The following FAM90A1 variants were observed in gnomAD, a reference collection of about 807,000 sequenced individuals.
FAM90A1 encodes protein FAM90A1.
FAM90A1 carries 10 observed loss-of-function variants against 14.8 expected under a neutral mutation model. The ratio of observed to expected loss-of-function variants is 0.67; its 90% CI spans 0.42 to 1.14. FAM90A1 has a LOEUF of 1.14. FAM90A1 is among the 50% of genes most tolerant of loss of function. The pLI, the probability that FAM90A1 is intolerant of heterozygous loss-of-function variation, is 0.00. For missense variants in FAM90A1, 567 were observed against 602.8 expected (o/e 0.94, Z 0.62); for synonymous variants, 236 against 248.4 (o/e 0.95, Z 0.47).
At position 8,222,538 on chromosome 12, in the gene FAM90A1, T is replaced by C. The variant is rs1438037904; in HGVS notation, c.679A>G (p.Lys227Glu). The C allele has an allele frequency of 6.2e-7, 1 of 1,612,010 alleles. No individual in the cohort carries two copies. Residue 227 changes from lysine (K) to glutamate (E), a missense_variant, in exon 7 of 7, where the codon AAG (lysine) becomes GAG (glutamate). Lys to Glu is a moderately conservative substitution (Grantham distance 56). Coordinates refer to ENST00000538603, the MANE Select transcript of FAM90A1 (RefSeq NM_018088.3). ...CCCGCAGGGCTGCTGTGTGTCGGCT[T>C]CACCACGAGGAGAGGCTCGGGGCCC... ...HQGPEPLLVV[K>E]PTHSSPAGGC... is the part of the protein sequence containing the mutation.
At position 8,226,496 on chromosome 12, in the gene FAM90A1, A is replaced by C. The variant is rs1271483966; in HGVS notation, c.-420-18T>G. The C allele has an allele frequency of 1.3e-5, 2 of 156,516 alleles. No individual in the cohort carries two copies. The highest frequency in any genetic ancestry group is 2.4e-5 in the African/African-American group (1 of 41,418). 9.7% of individuals were successfully genotyped at this position (156,516 alleles called of 1,614,324 possible). A position where few individuals can be genotyped will look rare whatever the true frequency, so the allele number is the denominator to read the frequency against. ...GGAGCGCACTGGGAAACACAGATGA[A>C]GAAAGTCAACACCGCTTTGTCCTTC... On this transcript the variant is annotated intron_variant, in intron 1 of 6. Transcript: ENST00000538603.
intron 3 of FAM90A1, among the ~76,000 whole-genome samples, chr12:8,225,266 T>C (rs1948920159): frequency 6.6e-6 from 1 of 152,238 alleles, no homozygotes; most frequent in African/African-American, 2.4e-5. Flanking sequence ...GGGCATGGCG[T>C]GTGTCACCCT....
rs1165845439 is a variant in FAM90A1, at chr12:8,222,046, G to T, written c.1171C>A (p.Pro391Thr). Residue 391 changes from proline to threonine, a missense_variant, in exon 7 of 7, where the codon CCT (proline) becomes ACT (threonine). Pro to Thr is a conservative substitution (Grantham distance 38). Coordinates refer to ENST00000538603, the MANE Select transcript of FAM90A1 (RefSeq NM_018088.3). ...AGTCTCCGAAAGAGCACTCTGAGAGGCTGGGCCCCATCATGGCTGGCCGCT... is the reference window on the plus strand; with the variant it reads ...AGTCTCCGAAAGAGCACTCTGAGAGTCTGGGCCCCATCATGGCTGGCCGCT... ...HPAASHDGAQ[P>T]LRVLFRRLEN... 1.2e-6 allele frequency: 2 copies of T among 1,604,534 alleles called. No homozygotes were observed.
At position 8,224,961 on chromosome 12, in the gene FAM90A1, C is replaced by T. The variant is rs764659882; in HGVS notation, c.-56-73G>A. On this transcript the variant is annotated intron_variant, in intron 3 of 6. Coordinates refer to ENST00000538603, the MANE Select transcript of FAM90A1 (RefSeq NM_018088.3). ...TATTCACACACCCACAGGAAGCCCC[C>T]CGCTAATTCCTTGCCGGTGTGGTCA... The T allele has an allele frequency of 1.5e-4, 180 of 1,190,216 alleles. 1 individual carries two copies. In the African/African-American group the frequency reaches 2.4e-3, roughly 16 times the overall value. The allele number at this position is 1,190,216 out of a possible 1,614,324, so 73.7% of individuals were successfully genotyped here.
chr12:8,226,827 TGAG>T (rs1948955097), intron 1 of FAM90A1, among the ~76,000 whole-genome samples: 5 of 83,454 alleles, frequency 6.0e-5, no homozygotes, highest in East Asian at 3.0e-4. Context: ...TTTTTTTTTT[TGAG>T]ACACAGTCTC....
rs1948819978 is a variant in FAM90A1, at chr12:8,221,503, T to C, written c.*319A>G. On this transcript the variant is annotated 3_prime_UTR_variant, in exon 7 of 7. Transcript: ENST00000538603. ...GCAAATACACAGTAATTCCCCCGTT[T>C]CCTATTGACGTCCCAGCGGAAGTCT... 2.2e-6 allele frequency: 1 copy of C among 457,736 alleles called. No homozygotes were observed. Among genetic ancestry groups the C allele is most frequent in the Non-Finnish European group, 4.0e-6 (1 of 250,632 alleles). The allele number at this position is 457,736 out of a possible 1,614,324, so 28.4% of individuals were successfully genotyped here.
In FAM90A1 at chr12:8,221,772, C is replaced by T. The variant is rs756895633; in HGVS notation, c.*50G>A. On this transcript the variant is annotated 3_prime_UTR_variant, in exon 7 of 7. Transcript: ENST00000538603. ...TCTGTGCTCCTCAGTCCCACAGTCC[C>T]CTCCAAGTCACGGGAGCTGGAGGCC... The T allele has an allele frequency of 3.2e-6, 5 of 1,542,374 alleles. No homozygotes were observed. Among genetic ancestry groups the T allele is most frequent in the East Asian group, 4.5e-5 (2 of 44,562 alleles).
rs1333899017 is a variant in FAM90A1, at chr12:8,222,772, G to C, written c.445C>G (p.Pro149Ala). 2 of 1,598,316 alleles carry C rather than the reference G, an allele frequency of 1.3e-6. No individual in the cohort carries two copies. Among genetic ancestry groups the C allele is most frequent in the Admixed American group, 1.7e-5 (1 of 59,642 alleles). ...SSDYLRVASG[P>A]MPVHTTSKRP... ...TTACTGGTTGTGTGGACCGGCATTG[G>C]CCCGCTTGCAACCTGAAAGAGAGGA... Residue 149 changes from proline to alanine, a missense_variant, in exon 7 of 7, where the codon CCA becomes GCA. By Grantham distance (27) the Pro-to-Ala change is conservative. Transcript: ENST00000538603.
At position 8,222,114 on chromosome 12, in the gene FAM90A1, G is replaced by T; in HGVS notation, c.1103C>A (p.Pro368His). 1.2e-6 allele frequency: 2 copies of T among 1,611,630 alleles called. No homozygotes were observed. The highest frequency in any genetic ancestry group is 8.5e-7 in the Non-Finnish European group (1 of 1,180,030). Reference sequence around the variant, plus strand: ...GCAGGCCTGGGCAGTAGGCAGGCAAGGTCTGCTGTGCGGAGGCTGCCGGTC... The same window carrying T: ...GCAGGCCTGGGCAGTAGGCAGGCAATGTCTGCTGTGCGGAGGCTGCCGGTC... ...SGDRQPPHSR[P>H]CLPTAQACTM... The change falls in exon 7 of 7, where the codon CCT (proline) becomes CAT (histidine). Residue 368 changes from proline to histidine, a missense_variant. Coordinates refer to ENST00000538603, the MANE Select transcript of FAM90A1 (RefSeq NM_018088.3).
chr12:8,222,170 G>T lies in FAM90A1; in HGVS notation c.1047C>A (p.Gly349=). ...TAAGCACCTGGGCGGGTGTCCTCGT[G>T]CCTGTCTGGGGTGACGTACGTGGTC... is the stretch of plus-strand genomic sequence containing the variant. ...ELGPRTSPQT[G]TRTPAQVLSG... is the part of the protein sequence containing the mutation. The change falls in exon 7 of 7, where the codon GGC becomes GGA. Residue 349 remains glycine (G), a synonymous_variant. Transcript: ENST00000538603. The T allele has an allele frequency of 1.9e-6, 3 of 1,570,802 alleles. No individual in the cohort carries two copies. Among genetic ancestry groups the T allele is most frequent in the Non-Finnish European group, 2.6e-6 (3 of 1,151,020 alleles).
rs1467652493 is a variant in FAM90A1 at position 8,221,344 on chromosome 12, TGAGGA to T, written c.*473_*477del. On this transcript the variant is annotated 3_prime_UTR_variant, in exon 7 of 7. Transcript: ENST00000538603. The stretch of plus-strand genomic sequence containing the variant: ...GATTCCAGAGCCCACTTTTCGAGGC[TGAGGA>T]AAGACCCCGAGAGCGCTTTGCACAG... The T allele has an allele frequency of 9.5e-6, 2 of 211,078 alleles. No homozygotes were observed. The highest frequency in any genetic ancestry group is 2.3e-5 in the African/African-American group (1 of 42,810). 13.1% of individuals were successfully genotyped at this position (211,078 alleles called of 1,614,324 possible). A position where few individuals can be genotyped will look rare whatever the true frequency, so the allele number is the denominator to read the frequency against.
rs1384493985 is a variant in FAM90A1 at position 8,224,090 on chromosome 12, T to A, written c.249A>T (p.Lys83Asn). ...TCGCTTCAACCTGGGGCTTCCATGG[T>A]TTCAGGTTTTCCTTCCCTTCCTTTT... is the stretch of plus-strand genomic sequence containing the variant. The part of the protein sequence containing the change: ...FGEKEGKENL[K>N]PWKPQVEANP... The change falls in exon 5 of 7, where the codon AAA (lysine) becomes AAT (asparagine). Residue 83 changes from lysine (K) to asparagine (N), a missense_variant. By Grantham distance (94) the Lys-to-Asn change is moderately conservative. Coordinates refer to ENST00000538603, the MANE Select transcript of FAM90A1 (RefSeq NM_018088.3). The A allele has an allele frequency of 6.2e-7, 1 of 1,612,016 alleles. No individual in the cohort carries two copies. The highest frequency in any genetic ancestry group is 8.5e-7 in the Non-Finnish European group (1 of 1,179,856).
In FAM90A1 at chr12:8,221,927, G is replaced by C. The variant is rs200086837; in HGVS notation, c.1290C>G (p.Val430=). The change falls in exon 7 of 7, where the codon GTC becomes GTG. Residue 430 remains valine (V), a synonymous_variant. Coordinates refer to ENST00000538603, the MANE Select transcript of FAM90A1 (RefSeq NM_018088.3). The stretch of plus-strand genomic sequence containing the variant: ...CACAGGGACCCTCAGACTTCTCTGA[G>C]ACATGAGGGCTCTGAGCGAGGAAGG... The part of the protein sequence containing the change: ...PGAFLAQSPH[V]SEKSEGPCVR... 8.1e-5 allele frequency: 130 copies of C among 1,596,362 alleles called. No homozygotes were observed. The highest frequency in any genetic ancestry group is 2.2e-4 in the Middle Eastern group (1 of 4,450).
At chr12:8,227,405 C>A (rs1948966230) in intron 1 of FAM90A1, 75 bp downstream of exon 1, 2 of 413,288 alleles carry the variant, frequency 4.8e-6, no homozygotes, top group South Asian at 2.6e-5. Flanking sequence ...CGGGAGTCCT[C>A]GTGTCCCCTG....
intron 3 of FAM90A1, among the ~76,000 whole-genome samples, chr12:8,225,379 G>C (rs376563504): frequency 4.6e-5 from 7 of 152,318 alleles, no homozygotes; most frequent in East Asian, 1.9e-4. Context: ...CAAATTCATA[G>C]AGAGAAGTTA....
In FAM90A1 at chr12:8,222,165, C is replaced by T; in HGVS notation, c.1052G>A (p.Arg351Lys). ...GPRTSPQTGTRTPAQVLSGDR... is the reference protein window; with the variant it reads ...GPRTSPQTGTKTPAQVLSGDR... ...GCCGCTAAGCACCTGGGCGGGTGTC[C>T]TCGTGCCTGTCTGGGGTGACGTACG... The change falls in exon 7 of 7, where the codon AGG becomes AAG. Residue 351 changes from arginine to lysine, a missense_variant. Coordinates refer to ENST00000538603, the MANE Select transcript of FAM90A1 (RefSeq NM_018088.3). 2 of 1,595,140 alleles carry T rather than the reference C, an allele frequency of 1.3e-6. No homozygotes were observed. Among genetic ancestry groups the T allele is most frequent in the South Asian group, 2.2e-5 (2 of 90,466 alleles).
rs7967753 is a variant in FAM90A1, at chr12:8,225,551, C to A, written c.-57+285G>T. The stretch of plus-strand genomic sequence containing the variant: ...TGCCATATCGTATCAATGTCTTACA[C>A]GGCTGAAGGGCAAACCACCCTTTTT... On this transcript the variant is annotated intron_variant, in intron 3 of 6. Coordinates refer to ENST00000538603, the MANE Select transcript of FAM90A1 (RefSeq NM_018088.3). Among the ~76,000 whole-genome samples, 626 of 152,242 alleles carry A rather than the reference C, an allele frequency of 4.1e-3. 4 individuals carry two copies. The highest frequency in any genetic ancestry group is 0.014 in the African/African-American group (583 of 41,494).
Position 8,222,834 on chromosome 12 carries a change from A to T in FAM90A1, c.433-50T>A, listed in dbSNP as rs747264181. On this transcript the variant is annotated intron_variant, in intron 6 of 6. Coordinates refer to ENST00000538603, the MANE Select transcript of FAM90A1 (RefSeq NM_018088.3). The stretch of plus-strand genomic sequence containing the variant: ...TTAGAAGTTCCTCAGCATGGAGCCA[A>T]CATGAAAATCAACCACATCCAAAGA... The T allele has an allele frequency of 9.1e-6, 14 of 1,546,634 alleles. No individual in the cohort carries two copies. In the East Asian group the frequency reaches 3.3e-4, roughly 37 times the overall value.
rs761515826 is a variant in FAM90A1 at position 8,222,464 on chromosome 12, G to A, written c.753C>T (p.Leu251=). ...PQAASKTHGL[L]QAVSPQAQDK... ...CTTGTGCCTGGGGGCTGACGGCCTGGAGCAGGCCGTGGGTTTTGGAGGCAG... is the reference window on the plus strand; with the variant it reads ...CTTGTGCCTGGGGGCTGACGGCCTGAAGCAGGCCGTGGGTTTTGGAGGCAG... Residue 251 remains leucine (L), a synonymous_variant, in exon 7 of 7, where the codon CTC becomes CTT. Coordinates refer to ENST00000538603, the MANE Select transcript of FAM90A1 (RefSeq NM_018088.3). 3 of 1,600,462 alleles carry A rather than the reference G, an allele frequency of 1.9e-6. No individual in the cohort carries two copies. The African/African-American group carries it at 4.0e-5, about 21-fold the overall frequency.
Sources: allele counts gnomAD v4.1 joint callset (sites outside exome capture counted in the v4.1 genomes callset), GRCh38; gene constraint gnomAD v4.1.1; transcripts MANE v1.5; gene names NCBI Gene and HGNC (gene_info 2026-07-23, HGNC 2026-07-21).